Variants in COP1 observed in about 807,000 individuals in gnomAD.
COP1 encodes the protein E3 ubiquitin-protein ligase COP1.
COP1 carries 24 observed loss-of-function variants against 101.3 expected under a neutral mutation model. The observed-to-expected ratio is 0.24, with a 90% CI of 0.17 to 0.33. COP1 has a LOEUF of 0.33. Ranked by LOEUF, COP1 falls within the 10% of genes least tolerant of loss-of-function variation. COP1 has a pLI of 1.00. For synonymous variants in COP1, 347 were observed against 341.9 expected (o/e 1.01, Z -0.17); for missense variants, 663 against 906.2 (o/e 0.73, Z 3.45).
chr1:176,165,361 C>CGTGTGTGTGTGTGTGT lies in COP1; in HGVS notation c.566-1486_566-1471dup, dbSNP rs34291468. 2.2e-3 allele frequency among the ~76,000 whole-genome samples: 294 copies of CGTGTGTGTGTGTGTGT among 132,124 alleles called. 2 individuals carry two copies. Among genetic ancestry groups the CGTGTGTGTGTGTGTGT allele is most frequent in the Middle Eastern group, 3.7e-3 (1 of 268 alleles). 86.7% of individuals were successfully genotyped at this position (132,124 alleles called of 152,430 possible). A position where few individuals can be genotyped will look rare whatever the true frequency, so the allele number is the denominator to read the frequency against. On this transcript the variant is annotated intron_variant, in intron 3 of 19. Transcript: ENST00000367669. ...GTGAGAGAGAGAGAGAGATGTGTGTCGTGTGTGTGTGTGTGTGTGTGTGTG... is the reference window on the plus strand; with the variant it reads ...GTGAGAGAGAGAGAGAGATGTGTGTCGTGTGTGTGTGTGTGTGTGTGTGTGTGTGTGTGTGTGTGTG...
intron 2 of COP1, among the ~76,000 whole-genome samples, chr1:176,177,440 C>T (rs1203791362): frequency 6.6e-6 from 1 of 151,434 alleles, no homozygotes; most frequent in Non-Finnish European, 1.5e-5. Flanking sequence ...AATATAATCC[C>T]ACTTCTCTTA....
At chr1:176,099,999 T>C (rs371964246) in intron 9 of COP1, among the ~76,000 whole-genome samples, 42 of 152,262 alleles carry the variant, frequency 2.8e-4, no homozygotes, top group African/African-American at 9.4e-4. Context: ...GTAAAAATAA[T>C]TAATCTTGCT....
intron 11 of COP1, among the ~76,000 whole-genome samples, chr1:176,069,264 A>G (rs566539584): frequency 4.1e-4 from 62 of 152,326 alleles, no homozygotes; most frequent in Middle Eastern, 3.4e-3. Context: ...TGAAGCAATA[A>G]AAGTAAATAT....
chr1:175,999,588 C>T (rs552541577), intron 15 of COP1, among the ~76,000 whole-genome samples: 139 of 152,148 alleles, frequency 9.1e-4, no homozygotes, highest in African/African-American at 3.2e-3. Context: ...GCAGATAGCT[C>T]TTTCATATAG....
At chr1:176,080,848 A>ATAT (rs1678988965) in intron 11 of COP1, among the ~76,000 whole-genome samples, 1 of 152,166 alleles carries the variant, frequency 6.6e-6, no homozygotes, top group African/African-American at 2.4e-5. Context: ...ATTCTATACA[A>ATAT]ACTTACAGAA....
chr1:176,102,619 T>C (rs989373693), intron 9 of COP1, among the ~76,000 whole-genome samples: 1 of 152,240 alleles, frequency 6.6e-6, no homozygotes, highest in African/African-American at 2.4e-5. Flanking sequence ...AGCCCTTTCC[T>C]TTCCCAAAAC....
At chr1:175,990,201 G>A (rs1380390102) in intron 15 of COP1, among the ~76,000 whole-genome samples, 1 of 151,874 alleles carries the variant, frequency 6.6e-6, no homozygotes, top group Non-Finnish European at 1.5e-5. Flanking sequence ...TTTCTTCTTT[G>A]ACTAATGGTT....
intron 11 of COP1, among the ~76,000 whole-genome samples, chr1:176,063,046 TG>T (rs1333787361): frequency 8.8e-5 from 9 of 102,634 alleles, no homozygotes; most frequent in Admixed American, 1.2e-4. Context: ...TTTTTGAAAA[TG>T]TTTTTTTTTT....
intron 7 of COP1, 33 bp downstream of exon 7, chr1:176,136,455 T>G: frequency 1.4e-6 from 2 of 1,441,864 alleles, no homozygotes; most frequent in South Asian, 2.4e-5. Flanking sequence ...ATTGAAAAAT[T>G]GCTAAGGATG....
At chr1:176,190,988 A>G (rs1006875397) in intron 1 of COP1, among the ~76,000 whole-genome samples, 2 of 152,076 alleles carry the variant, frequency 1.3e-5, no homozygotes, top group African/African-American at 4.8e-5. Flanking sequence ...AAAAACAAGC[A>G]GTAGTTACAC....
chr1:175,966,925 C>T (rs990690739), intron 18 of COP1, among the ~76,000 whole-genome samples: 5 of 152,166 alleles, frequency 3.3e-5, no homozygotes, highest in African/African-American at 9.6e-5. Flanking sequence ...CAATCTTCCA[C>T]CCCCCATACA....
intron 8 of COP1, among the ~76,000 whole-genome samples, chr1:176,122,197 A>T (rs1003985751): frequency 6.6e-6 from 1 of 151,992 alleles, no homozygotes; most frequent in African/African-American, 2.4e-5. Context: ...AAAATTCAAA[A>T]CTCTGAAAAT....
At chr1:176,001,918 C>T (rs1037964367) in intron 15 of COP1, among the ~76,000 whole-genome samples, 1 of 152,038 alleles carries the variant, frequency 6.6e-6, no homozygotes, top group Non-Finnish European at 1.5e-5. Context: ...TATCCTACTG[C>T]CTGCTGGCAG....
rs535432214 is a variant in COP1, at chr1:176,145,556, C to A, written c.831+3450G>T. Among the ~76,000 whole-genome samples, 3 of 152,188 alleles carry A rather than the reference C, an allele frequency of 2.0e-5. No individual in the cohort carries two copies. In the East Asian group the frequency reaches 5.8e-4, roughly 29 times the overall value. Reference sequence around the variant, plus strand: ...AACATAAACCTGGATACACATATAACATAGTAGTATTTTTTTGCCAACAGC... The same window carrying A: ...AACATAAACCTGGATACACATATAAAATAGTAGTATTTTTTTGCCAACAGC... On this transcript the variant is annotated intron_variant, in intron 6 of 19. Coordinates refer to ENST00000367669, the MANE Select transcript of COP1 (RefSeq NM_022457.7).
intron 8 of COP1, among the ~76,000 whole-genome samples, chr1:176,130,651 A>T (rs1485306557): frequency 1.3e-5 from 2 of 151,822 alleles, no homozygotes; most frequent in Non-Finnish European, 3.0e-5. Context: ...TAAGTATACT[A>T]CATGTGATGC....
chr1:176,029,341 C>T (rs1668273534), intron 14 of COP1, among the ~76,000 whole-genome samples: 1 of 152,026 alleles, frequency 6.6e-6, no homozygotes, highest in Admixed American at 6.6e-5. Context: ...TTAGGGAGAG[C>T]AAAGCTGACT....
At chr1:176,024,760 T>G (rs1172500961) in intron 15 of COP1, among the ~76,000 whole-genome samples, 1 of 152,084 alleles carries the variant, frequency 6.6e-6, no homozygotes, top group Non-Finnish European at 1.5e-5. Context: ...GAGAGATATA[T>G]AAAAATCAAT....
intron 5 of COP1, among the ~76,000 whole-genome samples, chr1:176,161,398 A>C (rs1046754013): frequency 6.6e-6 from 1 of 152,056 alleles, no homozygotes; most frequent in African/African-American, 2.4e-5. Flanking sequence ...AGACTACTGT[A>C]GGCCAATATA....
rs182052600 is a variant in COP1, at chr1:176,054,570, A to G, written c.1278-8246T>C. 2.2e-3 allele frequency among the ~76,000 whole-genome samples: 333 copies of G among 152,288 alleles called. 1 individual carries two copies. Among genetic ancestry groups the G allele is most frequent in the African/African-American group, 7.6e-3 (317 of 41,564 alleles). On this transcript the variant is annotated intron_variant, in intron 11 of 19. Coordinates refer to ENST00000367669, the MANE Select transcript of COP1 (RefSeq NM_022457.7). Reference sequence around the variant, plus strand: ...TCCACTTATCAGTATTTATACCAACATATTTTGATATATTCTGTGGTCTTT... The same window carrying G: ...TCCACTTATCAGTATTTATACCAACGTATTTTGATATATTCTGTGGTCTTT...
Sources: allele counts gnomAD v4.1 joint callset (sites outside exome capture counted in the v4.1 genomes callset), GRCh38; gene constraint gnomAD v4.1.1; transcripts MANE v1.5; gene names NCBI Gene and HGNC (gene_info 2026-07-23, HGNC 2026-07-21).